HDAC9: variants seen among roughly 807,000 people sequenced by gnomAD.
The protein encoded by HDAC9 is MEF-2 interacting transcription repressor (MITR) protein.
A neutral mutation model predicts 139.4 loss-of-function variants in HDAC9; 41 were observed. The observed-to-expected ratio is 0.29, with a 90% confidence interval of 0.23 to 0.38. The LOEUF (loss-of-function observed/expected upper bound fraction) is 0.38. Among genes scored for constraint, HDAC9 ranks in the 10% least tolerant of loss-of-function variants. The pLI, the probability that HDAC9 is intolerant of heterozygous loss-of-function variation, is 1.00. For missense variants in HDAC9, 1,147 were observed against 1,297.0 expected, an observed-to-expected ratio of 0.88 and a Z score of 1.78; for synonymous variants, 517 against 476.2, an observed-to-expected ratio of 1.09 and a Z score of -1.12.
intron 24 of HDAC9, among the ~76,000 whole-genome samples, chr7:18,970,541 C>T (rs992806460): frequency 1.3e-5 from 2 of 152,128 alleles, no homozygotes; most frequent in Non-Finnish European, 2.9e-5. Context: ...TACCTGGTCA[C>T]TCAATTTATG....
At chr7:18,443,982 ATG>A (rs1792050079) in intron 1 of HDAC9, among the ~76,000 whole-genome samples, 1 of 151,950 alleles carries the variant, frequency 6.6e-6, no homozygotes, top group Non-Finnish European at 1.5e-5. Context: ...GTAAGCATAT[ATG>A]TGTGTATGTA....
intron 1 of HDAC9, chr7:18,327,635 T>A (rs1282891860): frequency 6.6e-6 from 1 of 151,908 alleles, no homozygotes; most frequent in African/African-American, 2.4e-5. Context: ...TGTTTTTATA[T>A]CTGGCATAAA....
chr7:18,302,711 G>T (rs1407127256), intron 1 of HDAC9, among the ~76,000 whole-genome samples: 1 of 152,134 alleles, frequency 6.6e-6, no homozygotes, highest in Admixed American at 6.5e-5. Context: ...ATTGTATGAT[G>T]AAGTCATTCT....
At chr7:18,658,172 C>G (rs768405521) in intron 11 of HDAC9, among the ~76,000 whole-genome samples, 2 of 152,086 alleles carry the variant, frequency 1.3e-5, no homozygotes, top group Non-Finnish European at 2.9e-5. Flanking sequence ...CCTATCACTT[C>G]GAGTTTCATT....
intron 5 of HDAC9, among the ~76,000 whole-genome samples, chr7:18,592,440 A>G (rs938879305): frequency 7.2e-5 from 11 of 152,164 alleles, no homozygotes; most frequent in African/African-American, 2.7e-4. Flanking sequence ...CAAATCATAT[A>G]TGGATAATAA....
At chr7:18,525,887 C>T (rs1806710025) in intron 2 of HDAC9, among the ~76,000 whole-genome samples, 11 of 152,184 alleles carry the variant, frequency 7.2e-5, no homozygotes, top group Admixed American at 7.2e-4. Flanking sequence ...CATACGATTT[C>T]TGGCTTACTT....
rs1554402500 is a variant in HDAC9, at chr7:18,393,137, T to TA, written c.-42+102629dup. On this transcript the variant is annotated intron_variant, in intron 1 of 3. Transcript: ENST00000413509. ...TTAGATAAAATGGATTTTTTTTTTT[T>TA]AAAAAAACATAAATTGGCTCAAGAT... Among the ~76,000 whole-genome samples the TA allele has an allele frequency of 8.9e-4, 114 of 127,568 alleles. No homozygotes were observed. In the East Asian group the frequency reaches 0.019, roughly 22 times the overall value. 83.7% of individuals were successfully genotyped at this position (127,568 alleles called of 152,430 possible). A position where few individuals can be genotyped will look rare whatever the true frequency, so the allele number is the denominator to read the frequency against.
At chr7:18,786,591 T>C (rs1360859597) in intron 16 of HDAC9, among the ~76,000 whole-genome samples, 2 of 71,060 alleles carry the variant, frequency 2.8e-5, no homozygotes, top group African/African-American at 1.2e-4. Flanking sequence ...GCTGGCTTCC[T>C]TCCTTCCTTC....
At chr7:18,384,136 T>C (rs1190631536) in intron 1 of HDAC9, among the ~76,000 whole-genome samples, 1 of 151,512 alleles carries the variant, frequency 6.6e-6, no homozygotes, top group Non-Finnish European at 1.5e-5. Flanking sequence ...CATAGGAAGA[T>C]CTCATCTCTA....
chr7:18,130,971 A>G (rs1784963982), intron 1 of HDAC9, among the ~76,000 whole-genome samples: 1 of 152,138 alleles, frequency 6.6e-6, no homozygotes, highest in Non-Finnish European at 1.5e-5. Context: ...ATTTATATTA[A>G]TGAAAAGTTG....
chr7:18,612,092 A>G (rs1186958403), intron 6 of HDAC9, among the ~76,000 whole-genome samples: 3 of 152,106 alleles, frequency 2.0e-5, no homozygotes, highest in Admixed American at 6.6e-5. Flanking sequence ...TGCTAATCCT[A>G]TAAAGGAAAA....
At chr7:18,329,711 T>A (rs925108216) in intron 1 of HDAC9, among the ~76,000 whole-genome samples, 2 of 151,780 alleles carry the variant, frequency 1.3e-5, no homozygotes, top group African/African-American at 4.8e-5. Context: ...TTCCTGTTGA[T>A]GGCACTTGGA....
chr7:18,156,947 G>A (rs1787250978), intron 1 of HDAC9, among the ~76,000 whole-genome samples: 2 of 152,158 alleles, frequency 1.3e-5, no homozygotes, highest in Non-Finnish European at 2.9e-5. Context: ...TGTTAGGTGG[G>A]CGTGGTGGCA....
chr7:18,093,593 C>T (rs1254585689), intron 1 of HDAC9, among the ~76,000 whole-genome samples: 2 of 152,140 alleles, frequency 1.3e-5, no homozygotes, highest in East Asian at 3.9e-4. Flanking sequence ...TTTATTTCTA[C>T]TTATCATTTT....
At chr7:18,095,252 T>C (rs1528680) in intron 1 of HDAC9, among the ~76,000 whole-genome samples, 18,613 of 152,150 alleles carry the variant, frequency 0.12, 1,287 homozygotes, top group Admixed American at 0.19. Context: ...CTCATTCCTC[T>C]CTGAATTCCT....
At chr7:18,973,364 T>G (rs1178607008) in intron 24 of HDAC9, among the ~76,000 whole-genome samples, 1 of 152,214 alleles carries the variant, frequency 6.6e-6, no homozygotes, top group Non-Finnish European at 1.5e-5. Flanking sequence ...TTTGTAAATG[T>G]CATCTGCTAA....
chr7:18,790,515 G>C (rs1792210124), intron 16 of HDAC9, among the ~76,000 whole-genome samples: 1 of 152,138 alleles, frequency 6.6e-6, no homozygotes, highest in Non-Finnish European at 1.5e-5. Context: ...CTCCAGAATT[G>C]TGAGAAATAA....
chr7:18,140,628 T>C (rs1785830988), intron 1 of HDAC9, among the ~76,000 whole-genome samples: 1 of 152,192 alleles, frequency 6.6e-6, no homozygotes, highest in Non-Finnish European at 1.5e-5. Flanking sequence ...CATCTAATTA[T>C]GATAACAGAT....
chr7:18,743,862 C>A (rs571085686), intron 13 of HDAC9, among the ~76,000 whole-genome samples: 1 of 151,684 alleles, frequency 6.6e-6, no homozygotes, highest in South Asian at 2.1e-4. Flanking sequence ...CTTTTTTTAT[C>A]TTTTTTAGTA....
Sources: allele counts gnomAD v4.1 joint callset (sites outside exome capture counted in the v4.1 genomes callset), GRCh38; gene constraint gnomAD v4.1.1; transcripts MANE v1.5; gene names NCBI Gene and HGNC (gene_info 2026-07-23, HGNC 2026-07-21).